PI4K2B: variants seen among roughly 807,000 people sequenced by gnomAD.
The protein encoded by PI4K2B is phosphatidylinositol 4-kinase type 2 beta.
A neutral mutation model predicts 56.6 loss-of-function variants in PI4K2B; 46 were observed. The observed-to-expected ratio is 0.81, with a 90% CI of 0.64 to 1.04. PI4K2B has a LOEUF of 1.04. PI4K2B is among the 50% of genes least tolerant of loss of function. The pLI is 0.00. For missense variants in PI4K2B, 556 were observed against 607.7 expected (o/e 0.91, Z 0.89); for synonymous variants, 211 against 223.8 (o/e 0.94, Z 0.51).
At chr4:25,259,962 T>C (rs1197749680) in intron 5 of PI4K2B, among the ~76,000 whole-genome samples, 1 of 152,210 alleles carries the variant, frequency 6.6e-6, no homozygotes, top group Non-Finnish European at 1.5e-5. Flanking sequence ...TGCAAGTGGG[T>C]ACTGGCAGGC....
At chr4:25,274,864 C>T (rs1717042387) in intron 9 of PI4K2B, among the ~76,000 whole-genome samples, 1 of 152,134 alleles carries the variant, frequency 6.6e-6, no homozygotes, top group Non-Finnish European at 1.5e-5. Context: ...GGCGCGATCT[C>T]AGCTCACTGC....
At chr4:25,256,759 T>G in intron 4 of PI4K2B, 85 bp downstream of exon 4, 1 of 1,248,030 alleles carries the variant, frequency 8.0e-7, no homozygotes, top group Non-Finnish European at 1.1e-6. Context: ...TGCTATTAGC[T>G]GTGGATATTA....
intron 6 of PI4K2B, among the ~76,000 whole-genome samples, chr4:25,262,233 C>T (rs914876713): frequency 5.3e-5 from 8 of 152,044 alleles, no homozygotes; most frequent in African/African-American, 7.2e-5. Context: ...CCCAGCTATT[C>T]GGGAGGCTGA....
Position 25,277,178 on chromosome 4 carries a change from C to G in PI4K2B, c.1437C>G (p.Ser479=), listed in dbSNP as rs1487909613. ...QTVNCRKPFF[S]SW is the part of the protein sequence containing the mutation. ...TCAATTGCAGGAAGCCATTTTTTTC[C>G]TCCTGGTAGTAAATGTCAGAGTAAG... The change falls in exon 10 of 10, where the codon TCC becomes TCG. Residue 479 remains serine, a synonymous_variant. Transcript: ENST00000264864. The G allele has an allele frequency of 6.2e-7, 1 of 1,611,136 alleles. No individual in the cohort carries two copies. Among genetic ancestry groups the G allele is most frequent in the African/African-American group, 1.3e-5 (1 of 74,828 alleles).
intron 9 of PI4K2B, among the ~76,000 whole-genome samples, chr4:25,272,277 G>C (rs926676956): frequency 3.9e-5 from 6 of 152,192 alleles, no homozygotes; most frequent in African/African-American, 1.4e-4. Flanking sequence ...AAAGAAAAAG[G>C]CATTATAAAA....
Position 25,234,211 on chromosome 4 carries a change from G to A in PI4K2B, c.48G>A (p.Gly16=). ...EPDRLASADG[G]SPEEEEDGER... ...ACCGGTTGGCGTCCGCGGACGGCGG[G>A]AGCCCGGAGGAGGAGGAGGATGGGG... Residue 16 remains glycine, a synonymous_variant, in exon 1 of 10, where the codon GGG becomes GGA. Transcript: ENST00000264864. 7.1e-7 allele frequency: 1 copy of A among 1,410,928 alleles called. No homozygotes were observed. Among genetic ancestry groups the A allele is most frequent in the South Asian group, 1.5e-5 (1 of 66,644 alleles). The allele number at this position is 1,410,928 out of a possible 1,614,324, so 87.4% of individuals were successfully genotyped here.
Position 25,255,254 on chromosome 4 carries a change from C to G in PI4K2B, c.613C>G (p.Pro205Ala). 1 of 1,613,532 alleles carries G rather than the reference C, an allele frequency of 6.2e-7. No individual in the cohort carries two copies. The highest frequency in any genetic ancestry group is 8.5e-7 in the Non-Finnish European group (1 of 1,179,498). The change falls in exon 3 of 10, where the codon CCT becomes GCT. Residue 205 changes from proline (P) to alanine (A), a missense_variant. Transcript: ENST00000264864. ...CAACAAGCTTCATCTGAGCATTGTA[C>G]CTAAAACAAAGGTAAGCCAGACTTT... is the stretch of plus-strand genomic sequence containing the variant. ...VDNKLHLSIV[P>A]KTKVVWLVSE...
intron 7 of PI4K2B, among the ~76,000 whole-genome samples, chr4:25,265,754 C>T (rs1444544518): frequency 6.6e-6 from 1 of 152,050 alleles, no homozygotes; most frequent in Admixed American, 6.6e-5. Context: ...TTCTGTTTTG[C>T]AATTTGTTAG....
intron 1 of PI4K2B, among the ~76,000 whole-genome samples, chr4:25,249,513 C>T (rs868269001): frequency 2.0e-5 from 3 of 150,136 alleles, no homozygotes; most frequent in African/African-American, 4.9e-5. Context: ...GGGTGGCTGC[C>T]GGGCGGAGGG....
Position 25,234,409 on chromosome 4 carries a change from C to G in PI4K2B, c.246C>G (p.Asp82Glu), listed in dbSNP as rs541279648. The G allele has an allele frequency of 1.0e-5, 14 of 1,367,016 alleles. No individual in the cohort carries two copies. Among genetic ancestry groups the G allele is most frequent in the African/African-American group, 3.0e-5 (2 of 66,322 alleles). The allele number at this position is 1,367,016 out of a possible 1,614,324, so 84.7% of individuals were successfully genotyped here. A position where few individuals can be genotyped will look rare whatever the true frequency, so the allele number is the denominator to read the frequency against. ...CCCGGAGTTCGTCCGCCGAGCTGGA[C>G]CGGAGCCGCCCCGCGGTTTCAGGTG... ...GVSRSSSAEL[D>E]RSRPAVSVTI... is the part of the protein sequence containing the mutation. The change falls in exon 1 of 10, where the codon GAC becomes GAG. Residue 82 changes from aspartate to glutamate, a missense_variant. By Grantham distance (45) the Asp-to-Glu change is conservative. Transcript: ENST00000264864.
chr4:25,234,480 C>T lies in PI4K2B; in HGVS notation c.268+49C>T, dbSNP rs1715156590. On this transcript the variant is annotated intron_variant, in intron 1 of 9. Coordinates refer to ENST00000264864, the MANE Select transcript of PI4K2B (RefSeq NM_018323.4). ...CCCCGCGCCCCTCCGGGCGGCTGCC[C>T]CTGTCGCCCGGCTCGGTCCTGTCTC... 16 of 1,206,008 alleles carry T rather than the reference C, an allele frequency of 1.3e-5. No individual in the cohort carries two copies. In the South Asian group the frequency reaches 5.1e-4, roughly 39 times the overall value. 74.7% of individuals were successfully genotyped at this position (1,206,008 alleles called of 1,614,324 possible).
chr4:25,261,512 T>C (rs902139311), intron 6 of PI4K2B, among the ~76,000 whole-genome samples: 2 of 152,180 alleles, frequency 1.3e-5, no homozygotes, highest in African/African-American at 4.8e-5. Flanking sequence ...TTTTAAGTGA[T>C]TAAAAATATT....
At chr4:25,234,505 C>G (rs1442080908) in intron 1 of PI4K2B, 74 bp downstream of exon 1, 6 of 1,082,816 alleles carry the variant, frequency 5.5e-6, no homozygotes, top group Non-Finnish European at 7.0e-6. Flanking sequence ...GGTCCTGTCT[C>G]CCGCGCGCGC....
intron 9 of PI4K2B, 81 bp from the exon 10 acceptor site, chr4:25,276,933 T>A (rs1577703181): frequency 6.9e-7 from 1 of 1,440,924 alleles, no homozygotes; most frequent in East Asian, 2.3e-5. Flanking sequence ...AAAATTATAA[T>A]GAATAAATGG....
chr4:25,254,975 G>A (rs41267447), intron 2 of PI4K2B, 90 bp from the exon 3 acceptor site: 18,006 of 797,826 alleles, frequency 0.023, 288 homozygotes, highest in African/African-American at 0.07. Context: ...GTGGTAGGAA[G>A]CAGTAGAGAA....
At position 25,256,574 on chromosome 4, in the gene PI4K2B, A is replaced by G; in HGVS notation, c.656A>G (p.Tyr219Cys). Residue 219 changes from tyrosine to cysteine, a missense_variant, in exon 4 of 10, where the codon TAT (tyrosine) becomes TGT (cysteine). Transcript: ENST00000264864. Reference protein sequence around the residue: ...VVWLVSETFNYNAIDRAKSRG... With the variant: ...VVWLVSETFNCNAIDRAKSRG... ...TGGCTTGTCAGTGAGACATTTAACT[A>G]TAATGCGATTGACCGTGCAAAATCA... 2.5e-6 allele frequency: 4 copies of G among 1,613,890 alleles called. No homozygotes were observed. Among genetic ancestry groups the G allele is most frequent in the Non-Finnish European group, 2.5e-6 (3 of 1,179,892 alleles).
chr4:25,254,281 C>G (rs185524579), intron 2 of PI4K2B: 19 of 255,236 alleles, frequency 7.4e-5, no homozygotes, highest in African/African-American at 3.7e-4. Context: ...AAGTCCTTGC[C>G]TTATTAGAAT....
In PI4K2B at chr4:25,243,307, C is replaced by T. The variant is rs183170687; in HGVS notation, c.268+8876C>T. ...GCAGTGCACCTTCCAGTGATTGCTT[C>T]GGCATAGTGGACATGGATGAGGGGG... is the stretch of plus-strand genomic sequence containing the variant. On this transcript the variant is annotated intron_variant, in intron 1 of 9. Transcript: ENST00000264864. 0.014 allele frequency among the ~76,000 whole-genome samples: 2,197 copies of T among 152,256 alleles called. 126 individuals carry two copies. The East Asian group carries it at 0.18, about 13-fold the overall frequency.
At position 25,278,644 on chromosome 4, in the gene PI4K2B, T is replaced by C. The variant is rs144869579; in HGVS notation, c.*1457T>C. 6.5e-6 allele frequency: 1 copy of C among 152,696 alleles called. No individual in the cohort carries two copies. The highest frequency in any genetic ancestry group is 1.5e-5 in the Non-Finnish European group (1 of 68,020). 9.5% of individuals were successfully genotyped at this position (152,696 alleles called of 1,614,324 possible). A position where few individuals can be genotyped will look rare whatever the true frequency, so the allele number is the denominator to read the frequency against. On this transcript the variant is annotated 3_prime_UTR_variant, in exon 10 of 10. Transcript: ENST00000264864. ...CTTCCAACCCTCCATTAGCTCAATTTTGAGATAATGGAAAATTGACTGGAA... is the reference window on the plus strand; with the variant it reads ...CTTCCAACCCTCCATTAGCTCAATTCTGAGATAATGGAAAATTGACTGGAA...
Sources: gnomAD v4.1 joint callset for allele counts (sites outside exome capture counted in the v4.1 genomes callset) on GRCh38, gnomAD v4.1.1 for gene constraint, MANE v1.5 for transcripts, NCBI Gene and HGNC (gene_info 2026-07-23, HGNC 2026-07-21) for gene names.